FBXW4: variants seen among roughly 807,000 people sequenced by gnomAD.
The protein encoded by FBXW4 is F-box/WD repeat-containing protein 4.
FBXW4 carries 40 observed loss-of-function variants against 61.8 expected under a neutral mutation model. The observed-to-expected ratio is 0.65, with a 90% CI of 0.50 to 0.84. The LOEUF is 0.84. FBXW4 is among the 40% of genes least tolerant of loss of function. FBXW4 has a pLI of 0.00. For missense variants in FBXW4, 672 were observed against 753.8 expected (o/e 0.89, Z 1.27); for synonymous variants, 311 against 313.8 (o/e 0.99, Z 0.10).
chr10:101,682,407 T>G (rs1396157555), intron 1 of FBXW4, among the ~76,000 whole-genome samples: 1 of 151,442 alleles, frequency 6.6e-6, no homozygotes, highest in Non-Finnish European at 1.5e-5. Context: ...CCAAAGGAAC[T>G]GAAATCTAAA....
Position 101,612,458 on chromosome 10 carries a change from A to G in FBXW4, c.1321T>C (p.Leu441=), listed in dbSNP as rs1254929560. 1 of 1,585,370 alleles carries G rather than the reference A, an allele frequency of 6.3e-7. No individual in the cohort carries two copies. The highest frequency in any genetic ancestry group is 1.7e-5 in the Admixed American group (1 of 57,234). ...DLNSGQLMTH[L]GSDFPPGAGV... ...GCCCCTGGGGGAAAGTCACTGCCCA[A>G]GTGTGTCATCAGCTGCCCACTGGGA... is the stretch of plus-strand genomic sequence containing the variant. The change falls in exon 7 of 9, where the codon TTG becomes CTG. Residue 441 remains leucine, a synonymous_variant. Transcript: ENST00000331272.
chr10:101,654,687 C>T (rs2064171635), intron 5 of FBXW4, among the ~76,000 whole-genome samples: 1 of 152,176 alleles, frequency 6.6e-6, no homozygotes, highest in Non-Finnish European at 1.5e-5. Context: ...TTTCATTCCA[C>T]AATCTGCTAT....
chr10:101,644,885 C>T (rs1488682779), intron 5 of FBXW4, among the ~76,000 whole-genome samples: 1 of 152,178 alleles, frequency 6.6e-6, no homozygotes, highest in East Asian at 1.9e-4. Context: ...AAAACCTCAC[C>T]ACATACAGAG....
rs143070541 is a variant in FBXW4 at position 101,663,280 on chromosome 10, C to T, written c.1235+4606G>A. 2.3e-3 allele frequency among the ~76,000 whole-genome samples: 352 copies of T among 152,252 alleles called. 2 individuals are homozygous for T. The highest frequency in any genetic ancestry group is 6.8e-3 in the African/African-American group (283 of 41,540). ...ATTACAGCCATGTGCCTATCATCTC[C>T]CCACCACTGAATAAGATCCTTGGGG... On this transcript the variant is annotated intron_variant, in intron 5 of 8. Coordinates refer to ENST00000331272, the MANE Select transcript of FBXW4 (RefSeq NM_022039.4).
At position 101,627,950 on chromosome 10, in the gene FBXW4, G is replaced by A. The variant is rs570459928; in HGVS notation, c.1236-3140C>T. The stretch of plus-strand genomic sequence containing the variant: ...CTGGCCTCAGTTCTCTAACCCAGGT[G>A]ATTTAACCCAAACAAAATGCTGTGC... On this transcript the variant is annotated intron_variant, in intron 5 of 8. Coordinates refer to ENST00000331272, the MANE Select transcript of FBXW4 (RefSeq NM_022039.4). The A allele has an allele frequency of 3.7e-5, 36 of 985,354 alleles. No homozygotes were observed. The South Asian group carries it at 1.4e-3, about 39-fold the overall frequency. 61.0% of individuals were successfully genotyped at this position (985,354 alleles called of 1,614,324 possible). A position where few individuals can be genotyped will look rare whatever the true frequency, so the allele number is the denominator to read the frequency against.
At chr10:101,689,134 CA>C (rs35098665) in intron 1 of FBXW4, among the ~76,000 whole-genome samples, 2 of 148,064 alleles carry the variant, frequency 1.4e-5, no homozygotes, top group Admixed American at 6.7e-5. Flanking sequence ...GTTCCAGGTG[CA>C]AAAAAAAAAA....
At chr10:101,646,017 G>A (rs923840325) in intron 5 of FBXW4, among the ~76,000 whole-genome samples, 2 of 152,208 alleles carry the variant, frequency 1.3e-5, no homozygotes, top group Non-Finnish European at 2.9e-5. Context: ...AAAGTGGTCA[G>A]CATAGTGCCT....
rs181956236 is a variant in FBXW4, at chr10:101,674,146, A to G, written c.822-473T>C. ...GGAGTTCAAGACCAGCCTGACCAAC[A>G]TGATAAAACCCCGTCTCTACTAAAA... On this transcript the variant is annotated intron_variant, in intron 2 of 8. Transcript: ENST00000331272. Among the ~76,000 whole-genome samples the G allele has an allele frequency of 3.2e-3, 483 of 152,154 alleles. 5 individuals carry two copies. The highest frequency in any genetic ancestry group is 0.023 in the Admixed American group (350 of 15,284).
rs1470710919 is a variant in FBXW4, at chr10:101,694,200, G to T, written c.725+181C>A. Among the ~76,000 whole-genome samples the T allele has an allele frequency of 1.3e-5, 2 of 152,192 alleles. No individual in the cohort carries two copies. Among genetic ancestry groups the T allele is most frequent in the African/African-American group, 4.8e-5 (2 of 41,456 alleles). On this transcript the variant is annotated intron_variant, in intron 1 of 8. Coordinates refer to ENST00000331272, the MANE Select transcript of FBXW4 (RefSeq NM_022039.4). The surrounding 1 kb of genome is among the most constrained non-coding windows in gnomAD (Gnocchi z 6.0). The stretch of plus-strand genomic sequence containing the variant: ...GAGGCTGCCTCAGATGGAGGCCTTG[G>T]GGAGGAGGGGCAAAGGGGTCCCCGA...
At chr10:101,692,546 G>A (rs967396234) in intron 1 of FBXW4, among the ~76,000 whole-genome samples, 5 of 151,638 alleles carry the variant, frequency 3.3e-5, no homozygotes, top group South Asian at 4.2e-4. Flanking sequence ...ACCTGAGGTC[G>A]GCAGTTCGAG....
chr10:101,611,773 T>C lies in FBXW4; in HGVS notation c.1443-4A>G. On this transcript the variant is annotated splice_region_variant and splice_polypyrimidine_tract_variant and intron_variant, in intron 7 of 8. Coordinates refer to ENST00000331272, the MANE Select transcript of FBXW4 (RefSeq NM_022039.4). This position sits in a 1 kb window ranked among gnomAD's most constrained non-coding sequence, Gnocchi z 4.9. ...CTCCCACTCCATGACACATTTCCTG[T>C]CCAGGAAGAGGAGAAGCAGAGGGAG... 2 of 1,611,390 alleles carry C rather than the reference T, an allele frequency of 1.2e-6. No homozygotes were observed. Among genetic ancestry groups the C allele is most frequent in the Non-Finnish European group, 1.7e-6 (2 of 1,178,022 alleles).
At position 101,611,924 on chromosome 10, in the gene FBXW4, C is replaced by G. The variant is rs1347382200; in HGVS notation, c.1443-155G>C. Among the ~76,000 whole-genome samples, 1 of 152,264 alleles carries G rather than the reference C, an allele frequency of 6.6e-6. No individual in the cohort carries two copies. The highest frequency in any genetic ancestry group is 1.5e-5 in the Non-Finnish European group (1 of 68,046). ...ATCATCAGATTCATCAAAAACCGAA[C>G]TTCATGGGAGAAAGCATCTTCTGTA... On this transcript the variant is annotated intron_variant, in intron 7 of 8. Coordinates refer to ENST00000331272, the MANE Select transcript of FBXW4 (RefSeq NM_022039.4). The surrounding 1 kb of genome is among the most constrained non-coding windows in gnomAD (Gnocchi z 4.9).
At chr10:101,633,196 C>T (rs962429069) in intron 5 of FBXW4, among the ~76,000 whole-genome samples, 2 of 152,206 alleles carry the variant, frequency 1.3e-5, no homozygotes, top group African/African-American at 2.4e-5. Flanking sequence ...TTGTGGAAGA[C>T]AGTGTGGCGA....
At chr10:101,618,712 A>T (rs2063844537) in intron 6 of FBXW4, among the ~76,000 whole-genome samples, 1 of 151,960 alleles carries the variant, frequency 6.6e-6, no homozygotes, top group South Asian at 2.1e-4. Context: ...CCCTTTCCCC[A>T]CCCCACAATC....
At chr10:101,673,069 G>A (rs533221685) in intron 3 of FBXW4, 22 bp from the exon 4 acceptor site, 84 of 1,608,774 alleles carry the variant, frequency 5.2e-5, no homozygotes, top group South Asian at 4.8e-4. Context: ...ATAAGGAGCC[G>A]ACCCCCAAGA....
chr10:101,683,050 C>G (rs1274297233), intron 1 of FBXW4, among the ~76,000 whole-genome samples: 1 of 152,126 alleles, frequency 6.6e-6, no homozygotes, highest in Non-Finnish European at 1.5e-5. Context: ...TCTCTGAAAA[C>G]AGGTATCCCT....
intron 5 of FBXW4, among the ~76,000 whole-genome samples, chr10:101,628,315 G>A (rs774669831): frequency 5.9e-5 from 9 of 152,220 alleles, no homozygotes; most frequent in Non-Finnish European, 1.2e-4. Flanking sequence ...TCAAATCTGT[G>A]CTGAACAGAC....
At chr10:101,684,925 T>G (rs1306578948) in intron 1 of FBXW4, among the ~76,000 whole-genome samples, 2 of 152,162 alleles carry the variant, frequency 1.3e-5, no homozygotes. Flanking sequence ...GACAAGACCA[T>G]GCACAAAGAG....
chr10:101,652,017 G>C (rs2064149850), intron 5 of FBXW4, among the ~76,000 whole-genome samples: 1 of 151,940 alleles, frequency 6.6e-6, no homozygotes, highest in Non-Finnish European at 1.5e-5. Context: ...ATGGGGAGGA[G>C]GGGAGAGATT....
Sources: allele counts gnomAD v4.1 joint callset (sites outside exome capture counted in the v4.1 genomes callset), GRCh38; gene constraint gnomAD v4.1.1; non-coding constraint Gnocchi (gnomAD v3.1); transcripts MANE v1.5; gene names NCBI Gene and HGNC (gene_info 2026-07-23, HGNC 2026-07-21).